GRM7: variants seen among roughly 807,000 people sequenced by gnomAD.
GRM7 encodes the protein metabotropic glutamate receptor 7.
A neutral mutation model predicts 84.5 loss-of-function variants in GRM7; 35 were observed. The ratio of observed to expected loss-of-function variants is 0.41; its 90% confidence interval spans 0.32 to 0.55. The LOEUF (loss-of-function observed/expected upper bound fraction) is 0.55, where lower values mean the gene tolerates loss of function less well. Ranked by LOEUF, GRM7 falls within the 20% of genes least tolerant of loss-of-function variation. The probability of loss-of-function intolerance (pLI) is 0.19; values close to 1 mark genes in which losing one functional copy is unlikely to be tolerated. For synonymous variants in GRM7, 487 were observed against 455.1 expected, an observed-to-expected ratio of 1.07 and a Z score of -0.89; for missense variants, 1,003 against 1,194.6, an observed-to-expected ratio of 0.84 and a Z score of 2.36.
rs553873754 is a variant in GRM7 at position 7,215,036 on chromosome 3, T to G, written c.736+68368T>G. ...GTTTGATGAAATCATATACTTGTTA[T>G]GTATTTGAAAAAGCGACCTCTACAA... On this transcript the variant is annotated intron_variant, in intron 2 of 9. Transcript: ENST00000357716. 4.1e-4 allele frequency among the ~76,000 whole-genome samples: 63 copies of G among 152,318 alleles called. No homozygotes were observed. In the South Asian group the frequency reaches 0.012, roughly 30 times the overall value.
intron 7 of GRM7, among the ~76,000 whole-genome samples, chr3:7,500,714 A>AT (rs1366094079): frequency 6.6e-6 from 1 of 152,242 alleles, no homozygotes; most frequent in Non-Finnish European, 1.5e-5. Context: ...TCCTGCTGAC[A>AT]TGAGTTGAGC....
chr3:7,065,348 G>A (rs186148421), intron 1 of GRM7, among the ~76,000 whole-genome samples: 1 of 151,654 alleles, frequency 6.6e-6, no homozygotes, highest in Non-Finnish European at 1.5e-5. Context: ...CCTTAATCCA[G>A]CTTGAATTGA....
chr3:7,647,163 C>A (rs749856443), intron 8 of GRM7, among the ~76,000 whole-genome samples: 1 of 152,178 alleles, frequency 6.6e-6, no homozygotes, highest in Non-Finnish European at 1.5e-5. Flanking sequence ...GGACCCTCAG[C>A]CAGTAAAAAT....
intron 1 of GRM7, among the ~76,000 whole-genome samples, chr3:6,985,538 A>T (rs889378844): frequency 6.6e-6 from 1 of 152,190 alleles, no homozygotes. Flanking sequence ...CATTGTTGCC[A>T]CAGGCTTGCA....
intron 1 of GRM7, among the ~76,000 whole-genome samples, chr3:7,125,758 T>G (rs373954335): frequency 3.9e-5 from 6 of 152,202 alleles, no homozygotes; most frequent in Non-Finnish European, 8.8e-5. Context: ...TAGAGACTTG[T>G]TGGCAGTAAA....
At chr3:7,650,346 AC>A (rs2125113540) in intron 8 of GRM7, among the ~76,000 whole-genome samples, 1 of 152,202 alleles carries the variant, frequency 6.6e-6, no homozygotes, top group South Asian at 2.1e-4. Flanking sequence ...TAGTAATGGT[AC>A]CCATCTACCC....
chr3:7,462,277 A>G (rs572210465), intron 7 of GRM7, among the ~76,000 whole-genome samples: 73 of 152,250 alleles, frequency 4.8e-4, no homozygotes, highest in African/African-American at 1.7e-3. Flanking sequence ...CCCAGCTCCA[A>G]AACAATCCAA....
intron 8 of GRM7, among the ~76,000 whole-genome samples, chr3:7,657,695 C>T (rs892511974): frequency 3.3e-5 from 5 of 152,032 alleles, no homozygotes; most frequent in Admixed American, 6.5e-5. Flanking sequence ...TGGAGAGCCT[C>T]ATAGTTAAGT....
chr3:6,952,208 T>G (rs1376817439), intron 1 of GRM7, among the ~76,000 whole-genome samples: 1 of 152,210 alleles, frequency 6.6e-6, no homozygotes, highest in East Asian at 1.9e-4. Flanking sequence ...ATATTTAGTC[T>G]AAGGTTATTC....
intron 1 of GRM7, among the ~76,000 whole-genome samples, chr3:7,136,583 G>A (rs764683512): frequency 3.3e-5 from 5 of 152,048 alleles, no homozygotes; most frequent in Non-Finnish European, 4.4e-5. Flanking sequence ...TATTTGCCCT[G>A]GAGCCTAAAG....
chr3:6,885,740 C>T (rs1695667270), intron 1 of GRM7, among the ~76,000 whole-genome samples: 1 of 152,214 alleles, frequency 6.6e-6, no homozygotes, highest in Admixed American at 6.5e-5. Flanking sequence ...TCTGTGTTTA[C>T]CCCACAAATG....
At chr3:7,508,000 A>G (rs1333979462) in intron 7 of GRM7, among the ~76,000 whole-genome samples, 2 of 152,182 alleles carry the variant, frequency 1.3e-5, no homozygotes, top group African/African-American at 4.8e-5. Flanking sequence ...GTGGCTTCTG[A>G]GAGCAGAAAA....
chr3:7,198,327 T>C (rs915128707), intron 2 of GRM7, among the ~76,000 whole-genome samples: 1 of 152,086 alleles, frequency 6.6e-6, no homozygotes, highest in Admixed American at 6.5e-5. Context: ...AATTGAAAAG[T>C]TGGAAAATCT....
intron 1 of GRM7, among the ~76,000 whole-genome samples, chr3:6,912,248 C>A (rs1413938874): frequency 2.0e-5 from 3 of 152,136 alleles, no homozygotes; most frequent in Non-Finnish European, 4.4e-5. Flanking sequence ...AAATATGTTT[C>A]TTCACTACAG....
At chr3:7,730,283 A>G (rs1479189222) in intron 9 of GRM7, among the ~76,000 whole-genome samples, 6 of 152,040 alleles carry the variant, frequency 3.9e-5, no homozygotes, top group East Asian at 1.9e-4. Flanking sequence ...TGGGATTACA[A>G]GCGTGAGCCA....
chr3:7,657,479 T>C (rs1216883801), intron 8 of GRM7, among the ~76,000 whole-genome samples: 1 of 152,212 alleles, frequency 6.6e-6, no homozygotes, highest in Non-Finnish European at 1.5e-5. Context: ...AACATGTTAT[T>C]GGAAGAGGAG....
At chr3:7,445,691 C>G (rs1374605295) in intron 5 of GRM7, among the ~76,000 whole-genome samples, 1 of 152,168 alleles carries the variant, frequency 6.6e-6, no homozygotes, top group Non-Finnish European at 1.5e-5. Flanking sequence ...AATGTGGACA[C>G]TATGAAAGAT....
intron 7 of GRM7, among the ~76,000 whole-genome samples, chr3:7,551,663 A>AGGCAC (rs1460499957): frequency 1.3e-5 from 2 of 151,724 alleles, no homozygotes; most frequent in African/African-American, 4.8e-5. Flanking sequence ...CCTAGTCCAT[A>AGGCAC]ATAGTTGCAC....
At chr3:7,640,852 GCAATGTCAAGACC>G (rs1488579059) in intron 8 of GRM7, among the ~76,000 whole-genome samples, 2 of 152,160 alleles carry the variant, frequency 1.3e-5, no homozygotes, top group African/African-American at 4.8e-5. Flanking sequence ...ATGATATAAT[GCAATGTCAAGACC>G]TCTGACTTTC....
Sources: gnomAD v4.1 joint callset for allele counts (sites outside exome capture counted in the v4.1 genomes callset) on GRCh38, gnomAD v4.1.1 for gene constraint, MANE v1.5 for transcripts, NCBI Gene and HGNC (gene_info 2026-07-23, HGNC 2026-07-21) for gene names.